The following PDZD2 variants were observed in gnomAD, a reference collection of about 807,000 sequenced individuals.
PDZD2 encodes PDZ domain-containing protein 2.
A neutral mutation model predicts 220.7 loss-of-function variants in PDZD2; 90 were observed. The observed-to-expected ratio is 0.41, with a 90% CI of 0.34 to 0.49. PDZD2 has a LOEUF of 0.49. Among genes scored for constraint, PDZD2 ranks in the 20% least tolerant of loss-of-function variants. The pLI, the probability that PDZD2 is intolerant of heterozygous loss-of-function variation, is 0.28. For missense variants in PDZD2, 3,174 were observed against 3,608.5 expected, an observed-to-expected ratio of 0.88 and a Z score of 3.08; for synonymous variants, 1,375 against 1,450.5, an observed-to-expected ratio of 0.95 and a Z score of 1.18.
At chr5:31,716,859 T>G (rs1462812820) in intron 1 of PDZD2, among the ~76,000 whole-genome samples, 1 of 152,022 alleles carries the variant, frequency 6.6e-6, no homozygotes, top group Non-Finnish European at 1.5e-5. Context: ...GCCTTTGGGG[T>G]GCAGGGGCTG....
At chr5:31,964,930 G>A (rs2111728529) in intron 2 of PDZD2, among the ~76,000 whole-genome samples, 1 of 152,182 alleles carries the variant, frequency 6.6e-6, no homozygotes, top group South Asian at 2.1e-4. Context: ...TACCGTGTTA[G>A]CCAGGATGGT....
chr5:31,722,032 A>G (rs1748836313), intron 1 of PDZD2, among the ~76,000 whole-genome samples: 1 of 151,958 alleles, frequency 6.6e-6, no homozygotes, highest in Non-Finnish European at 1.5e-5. Flanking sequence ...CGAGCTCAAC[A>G]TCATCTTGAA....
At chr5:31,866,771 C>T (rs570000214) in intron 2 of PDZD2, among the ~76,000 whole-genome samples, 2 of 152,254 alleles carry the variant, frequency 1.3e-5, no homozygotes, top group South Asian at 4.1e-4. Flanking sequence ...ATTTTCATAA[C>T]TTTGATTTGT....
intron 3 of PDZD2, among the ~76,000 whole-genome samples, chr5:31,984,542 G>A (rs763835399): frequency 2.0e-5 from 3 of 151,714 alleles, no homozygotes; most frequent in South Asian, 4.1e-4. Context: ...CAAAATGGGC[G>A]TAGGAGTATC....
intron 1 of PDZD2, among the ~76,000 whole-genome samples, chr5:31,762,936 G>A (rs960275956): frequency 2.6e-5 from 4 of 151,936 alleles, no homozygotes; most frequent in Non-Finnish European, 4.4e-5. Flanking sequence ...TTCTGCCCCC[G>A]ACCCCTCCAC....
rs1387232251 is a variant in PDZD2, at chr5:32,098,499, C to T, written c.8083C>T (p.Gln2695Ter). The T allele has an allele frequency of 6.2e-7, 1 of 1,614,108 alleles. No homozygotes were observed. Among genetic ancestry groups the T allele is most frequent in the Non-Finnish European group, 8.5e-7 (1 of 1,180,050 alleles). Reference sequence around the variant, plus strand: ...TGTCCTGAAGGTTCTGCACCAGGCACAGCTGCACAAAGATGCCCTCGTGGT... The same window carrying T: ...TGTCCTGAAGGTTCTGCACCAGGCATAGCTGCACAAAGATGCCCTCGTGGT... The part of the protein sequence containing the change: ...GNVLKVLHQA[Q>*]LHKDALVVIK... The change falls in exon 23 of 25, where the codon CAG becomes TAG. Residue 2695 changes from glutamine to a stop codon, truncating the protein, a stop_gained. Transcript: ENST00000438447. LOFTEE classifies it high-confidence loss of function. This position sits in a 1 kb window ranked among gnomAD's most constrained non-coding sequence, Gnocchi z 4.1.
At chr5:31,786,907 CA>C (rs2150215498) in intron 1 of PDZD2, among the ~76,000 whole-genome samples, 1 of 152,156 alleles carries the variant, frequency 6.6e-6, no homozygotes, top group African/African-American at 2.4e-5. Flanking sequence ...ATTATGTACT[CA>C]AAAGTCTAAA....
At chr5:31,771,166 C>T (rs1298526194) in intron 1 of PDZD2, among the ~76,000 whole-genome samples, 2 of 152,178 alleles carry the variant, frequency 1.3e-5, no homozygotes, top group Non-Finnish European at 2.9e-5. Context: ...TATAGTTCTG[C>T]TACTTTCTAT....
At chr5:31,924,757 A>T (rs1279434057) in intron 2 of PDZD2, among the ~76,000 whole-genome samples, 2 of 152,218 alleles carry the variant, frequency 1.3e-5, no homozygotes, top group Non-Finnish European at 1.5e-5. Flanking sequence ...AGGGATTCTT[A>T]GCAAAATTGA....
At chr5:31,773,636 C>A (rs1043737125) in intron 1 of PDZD2, among the ~76,000 whole-genome samples, 1 of 152,062 alleles carries the variant, frequency 6.6e-6, no homozygotes, top group Non-Finnish European at 1.5e-5. Flanking sequence ...GGTGACAGAG[C>A]AAGACTCTGT....
chr5:31,958,771 C>T (rs2111676224), intron 2 of PDZD2, among the ~76,000 whole-genome samples: 1 of 152,186 alleles, frequency 6.6e-6, no homozygotes, highest in Non-Finnish European at 1.5e-5. Flanking sequence ...CAGATGGATG[C>T]CACAGCACCC....
intron 1 of PDZD2, among the ~76,000 whole-genome samples, chr5:31,784,635 G>T (rs1390672294): frequency 6.6e-6 from 1 of 152,208 alleles, no homozygotes; most frequent in East Asian, 1.9e-4. Flanking sequence ...GAGGCTAGGC[G>T]TGGTGGCTCA....
intron 2 of PDZD2, among the ~76,000 whole-genome samples, chr5:31,865,930 CTTT>C (rs35867918): frequency 2.1e-5 from 3 of 142,848 alleles, no homozygotes; most frequent in Admixed American, 7.1e-5. Context: ...CGCACCTGCC[CTTT>C]TTTTTTTTTT....
chr5:31,781,419 A>AAATTAAAAT (rs1339902850), intron 1 of PDZD2, among the ~76,000 whole-genome samples: 1 of 152,226 alleles, frequency 6.6e-6, no homozygotes, highest in Non-Finnish European at 1.5e-5. Flanking sequence ...ATCTCAAAAA[A>AAATTAAAAT]GCAACAACAA....
intron 2 of PDZD2, among the ~76,000 whole-genome samples, chr5:31,912,849 C>G (rs1487239232): frequency 6.6e-6 from 1 of 152,186 alleles, no homozygotes; most frequent in African/African-American, 2.4e-5. Flanking sequence ...ACCTTCCATT[C>G]CCACGTTTCT....
At chr5:31,728,002 C>CAAAA (rs11386922) in intron 1 of PDZD2, among the ~76,000 whole-genome samples, 7 of 110,688 alleles carry the variant, frequency 6.3e-5, no homozygotes, top group Admixed American at 1.0e-4. Flanking sequence ...GACTCTGTCT[C>CAAAA]AAAAAAAAAA....
At chr5:32,014,159 G>A (rs959795746) in intron 6 of PDZD2, among the ~76,000 whole-genome samples, 25 of 152,162 alleles carry the variant, frequency 1.6e-4, no homozygotes, top group Non-Finnish European at 2.9e-5. Context: ...AATCACCTGA[G>A]TTACAAAAAG....
At chr5:31,679,217 A>G (rs1015644080) in intron 1 of PDZD2, among the ~76,000 whole-genome samples, 5 of 152,250 alleles carry the variant, frequency 3.3e-5, no homozygotes, top group African/African-American at 4.8e-5. Context: ...CCTGCCCTTG[A>G]CTGAAAGATC....
chr5:31,915,919 A>G (rs982496429), intron 2 of PDZD2, among the ~76,000 whole-genome samples: 9 of 152,202 alleles, frequency 5.9e-5, no homozygotes, highest in South Asian at 2.1e-4. Context: ...TTAAGAATTT[A>G]TTGGAGATTG....
Sources: allele counts gnomAD v4.1 joint callset (sites outside exome capture counted in the v4.1 genomes callset), GRCh38; gene constraint gnomAD v4.1.1; non-coding constraint Gnocchi (gnomAD v3.1); transcripts MANE v1.5; gene names NCBI Gene and HGNC (gene_info 2026-07-23, HGNC 2026-07-21).